The following ATP8A2 variants were observed in gnomAD, a reference collection of about 807,000 sequenced individuals.
The protein encoded by ATP8A2 is ATPase phospholipid transporting 8A2, also known as phospholipid-transporting ATPase IB.
Under a neutral mutation model 165.6 loss-of-function variants are expected in ATP8A2, and 100 were observed. The ratio of observed to expected loss-of-function variants is 0.60; its 90% CI spans 0.51 to 0.71. The LOEUF (loss-of-function observed/expected upper bound fraction) is 0.71. Among genes scored for constraint, ATP8A2 ranks in the 30% least tolerant of loss-of-function variants. The pLI, the probability that ATP8A2 is intolerant of heterozygous loss-of-function variation, is 0.00. For synonymous variants in ATP8A2, 543 were observed against 548.8 expected, an observed-to-expected ratio of 0.99 and a Z score of 0.15; for missense variants, 1,227 against 1,479.5, an observed-to-expected ratio of 0.83 and a Z score of 2.80.
At chr13:25,447,983 G>A (rs186355230) in intron 1 of ATP8A2, among the ~76,000 whole-genome samples, 4 of 152,284 alleles carry the variant, frequency 2.6e-5, no homozygotes, top group Non-Finnish European at 5.9e-5. Flanking sequence ...TGCCTTCTCT[G>A]CCATGCTGTT....
intron 24 of ATP8A2, among the ~76,000 whole-genome samples, chr13:25,598,857 T>C (rs1163524905): frequency 1.3e-5 from 2 of 152,202 alleles, no homozygotes; most frequent in Admixed American, 6.5e-5. Flanking sequence ...TTAAAGAATA[T>C]TGTGTTTTGG....
intron 28 of ATP8A2, among the ~76,000 whole-genome samples, chr13:25,833,919 A>G (rs1478223852): frequency 1.3e-5 from 2 of 152,258 alleles, no homozygotes; most frequent in African/African-American, 2.4e-5. Context: ...GACAGGGTTG[A>G]TATCTGTTCT....
chr13:25,786,039 G>A lies in ATP8A2; in HGVS notation c.2679+11080G>A, dbSNP rs537142228. The stretch of plus-strand genomic sequence containing the variant: ...ACCCTCGGTTTTAAAACACCCTTAT[G>A]TATGCAAGTAAAATGTAATTATTTA... On this transcript the variant is annotated intron_variant, in intron 27 of 36. Coordinates refer to ENST00000381655, the MANE Select transcript of ATP8A2 (RefSeq NM_016529.6). 5.3e-5 allele frequency among the ~76,000 whole-genome samples: 8 copies of A among 152,272 alleles called. No homozygotes were observed. The South Asian group carries it at 1.5e-3, about 28-fold the overall frequency.
intron 27 of ATP8A2, among the ~76,000 whole-genome samples, chr13:25,825,910 G>A (rs1009231998): frequency 6.6e-6 from 1 of 151,984 alleles, no homozygotes; most frequent in African/African-American, 2.4e-5. Flanking sequence ...AGGAGAGAGA[G>A]CATCAGATCC....
intron 33 of ATP8A2, among the ~76,000 whole-genome samples, chr13:25,928,190 A>G (rs1200491904): frequency 6.6e-6 from 1 of 152,232 alleles, no homozygotes; most frequent in Non-Finnish European, 1.5e-5. Context: ...TCCAGAGCAG[A>G]TGGCCAGGGG....
rs1366017464 is a variant in ATP8A2, at chr13:25,981,307, G to A, written c.3377+12628G>A. ...GTCTCTGAAATCAAAATAGCATCAT[G>A]TGATAATTGATCTCTTGTTATGTGA... is the stretch of plus-strand genomic sequence containing the variant. On this transcript the variant is annotated intron_variant, in intron 35 of 36. Coordinates refer to ENST00000381655, the MANE Select transcript of ATP8A2 (RefSeq NM_016529.6). Among the ~76,000 whole-genome samples the A allele has an allele frequency of 2.0e-5, 3 of 152,200 alleles. No individual in the cohort carries two copies. The East Asian group carries it at 5.8e-4, about 29-fold the overall frequency.
At chr13:25,991,058 A>G (rs1446676456) in intron 35 of ATP8A2, among the ~76,000 whole-genome samples, 1 of 152,130 alleles carries the variant, frequency 6.6e-6, no homozygotes, top group Non-Finnish European at 1.5e-5. Flanking sequence ...TGCTCAGCTA[A>G]TGAGGTCAGA....
intron 1 of ATP8A2, among the ~76,000 whole-genome samples, chr13:25,439,103 A>T (rs2034859003): frequency 6.6e-6 from 1 of 152,202 alleles, no homozygotes; most frequent in Non-Finnish European, 1.5e-5. Flanking sequence ...GGAATCCAAA[A>T]AGGTGCTGTG....
chr13:25,814,912 C>A (rs964542409), intron 27 of ATP8A2, among the ~76,000 whole-genome samples: 7 of 151,938 alleles, frequency 4.6e-5, no homozygotes, highest in African/African-American at 1.5e-4. Context: ...CCCAGCTACT[C>A]ATGGGGATGA....
At chr13:25,844,872 G>A (rs1175807725) in intron 30 of ATP8A2, among the ~76,000 whole-genome samples, 1 of 152,164 alleles carries the variant, frequency 6.6e-6, no homozygotes, top group African/African-American at 2.4e-5. Context: ...GAGAACCTCA[G>A]GTATATATCA....
chr13:25,422,040 C>T (rs7995087), intron 1 of ATP8A2, among the ~76,000 whole-genome samples: 61,969 of 152,068 alleles, frequency 0.41, 13,904 homozygotes, highest in East Asian at 0.59. Flanking sequence ...AGAAACAATG[C>T]TTGAAAGTGA....
intron 33 of ATP8A2, among the ~76,000 whole-genome samples, chr13:25,900,410 G>C (rs1439061799): frequency 1.3e-5 from 2 of 152,182 alleles, no homozygotes; most frequent in African/African-American, 4.8e-5. Flanking sequence ...GTCCCAAGGT[G>C]GTCGTCAGTG....
At chr13:25,684,840 T>G (rs1052244754) in intron 24 of ATP8A2, among the ~76,000 whole-genome samples, 1 of 152,236 alleles carries the variant, frequency 6.6e-6, no homozygotes, top group African/African-American at 2.4e-5. Context: ...TCCTGGTGTT[T>G]GTAACTTTCC....
chr13:25,985,375 C>T (rs923632222), intron 35 of ATP8A2, among the ~76,000 whole-genome samples: 1 of 152,186 alleles, frequency 6.6e-6, no homozygotes, highest in African/African-American at 2.4e-5. Flanking sequence ...GCTGTCACCC[C>T]ACGCATATAC....
chr13:25,472,554 ATG>A (rs775710263), intron 2 of ATP8A2, among the ~76,000 whole-genome samples: 16 of 152,204 alleles, frequency 1.1e-4, no homozygotes, highest in Non-Finnish European at 2.2e-4. Context: ...TTGGCCATGA[ATG>A]TTTGCTAAAA....
intron 35 of ATP8A2, among the ~76,000 whole-genome samples, chr13:25,981,598 A>G (rs977658271): frequency 6.6e-6 from 1 of 152,222 alleles, no homozygotes; most frequent in Non-Finnish European, 1.5e-5. Flanking sequence ...CAATATATTA[A>G]GATTTTATAT....
intron 33 of ATP8A2, among the ~76,000 whole-genome samples, chr13:25,904,544 G>A (rs974507396): frequency 6.6e-6 from 1 of 152,306 alleles, no homozygotes; most frequent in African/African-American, 2.4e-5. Flanking sequence ...TCCCTTGGGT[G>A]TGTTGCTGCC....
At chr13:25,958,559 A>G (rs1391186468) in intron 33 of ATP8A2, among the ~76,000 whole-genome samples, 1 of 152,162 alleles carries the variant, frequency 6.6e-6, no homozygotes, top group Non-Finnish European at 1.5e-5. Flanking sequence ...TGAATCAATA[A>G]TTCTACCCAC....
intron 29 of ATP8A2, 151 bp from the exon 30 acceptor site, chr13:25,839,395 T>C (rs1008272154): frequency 6.2e-6 from 2 of 324,114 alleles, no homozygotes; most frequent in Non-Finnish European, 1.2e-5. Context: ...TTTGGGTGGG[T>C]TTTTTTTTTT....
Sources: allele counts gnomAD v4.1 joint callset (sites outside exome capture counted in the v4.1 genomes callset), GRCh38; gene constraint gnomAD v4.1.1; transcripts MANE v1.5; gene names NCBI Gene and HGNC (gene_info 2026-07-23, HGNC 2026-07-21).